The following GPCPD1 variants were observed in gnomAD, a reference collection of about 807,000 sequenced individuals.
GPCPD1 encodes the protein glycerophosphocholine phosphodiesterase GPCPD1.
A neutral mutation model predicts 89.2 loss-of-function variants in GPCPD1; 29 were observed. That is an observed-to-expected ratio of 0.33 (90% CI 0.24 to 0.44). GPCPD1 has a LOEUF of 0.44. Ranked by LOEUF, GPCPD1 falls within the 20% of genes least tolerant of loss-of-function variation. GPCPD1 has a pLI of 1.00. For missense variants in GPCPD1, 594 were observed against 808.9 expected, an observed-to-expected ratio of 0.73 and a Z score of 3.22; for synonymous variants, 258 against 266.3, an observed-to-expected ratio of 0.97 and a Z score of 0.30.
intron 1 of GPCPD1, among the ~76,000 whole-genome samples, chr20:5,609,550 T>C (rs1300664979): frequency 1.3e-5 from 2 of 152,246 alleles, no homozygotes; most frequent in Non-Finnish European, 2.9e-5. Flanking sequence ...TATTCTCTTG[T>C]GTATGTTTCA....
chr20:5,575,028 G>A (rs890360103), intron 10 of GPCPD1, among the ~76,000 whole-genome samples: 2 of 152,146 alleles, frequency 1.3e-5, no homozygotes, highest in Non-Finnish European at 2.9e-5. Flanking sequence ...AATATTCCTT[G>A]AGTTTAGTCA....
chr20:5,574,229 T>G, intron 10 of GPCPD1: 1 of 445,936 alleles, frequency 2.2e-6, no homozygotes, highest in East Asian at 4.2e-5. Flanking sequence ...CATGGACTTT[T>G]TTCTTGGAGA....
At chr20:5,580,165 AT>A in intron 6 of GPCPD1, 34 bp from the exon 7 acceptor site, 2 of 1,215,660 alleles carry the variant, frequency 1.6e-6, no homozygotes, top group South Asian at 2.7e-5. Flanking sequence ...AGTAATTATT[AT>A]ACATGTTTTT....
chr20:5,561,767 T>C (rs917254348), intron 15 of GPCPD1, among the ~76,000 whole-genome samples: 4 of 152,238 alleles, frequency 2.6e-5, no homozygotes, highest in African/African-American at 9.6e-5. Context: ...TCAGGCACTG[T>C]CTGTGATAAC....
At chr20:5,575,120 G>A (rs6139765) in intron 10 of GPCPD1, among the ~76,000 whole-genome samples, 2 of 152,144 alleles carry the variant, frequency 1.3e-5, no homozygotes, top group Non-Finnish European at 2.9e-5. Context: ...AGGGCAACAC[G>A]TCAAAAGTAA....
Position 5,560,063 on chromosome 20 carries a change from T to C in GPCPD1, c.1409A>G (p.Asp470Gly). Residue 470 changes from aspartate to glycine, a missense_variant, in exon 17 of 20, where the codon GAT becomes GGT. Coordinates refer to ENST00000379019, the MANE Select transcript of GPCPD1 (RefSeq NM_019593.5). Reference protein sequence around the residue: ...WICQQRDGMWDGNLSTYFDMN... With the variant: ...WICQQRDGMWGGNLSTYFDMN... ...GTCAAAATATGTTGATAAGTTACCA[T>C]CCCACATTCCATCCTAGTGAAAGAG... 6.4e-7 allele frequency: 1 copy of C among 1,568,624 alleles called. No individual in the cohort carries two copies.
chr20:5,585,417 T>G (rs1978842256), intron 5 of GPCPD1: 1 of 152,090 alleles, frequency 6.6e-6, no homozygotes, highest in Non-Finnish European at 1.5e-5. Context: ...AATTTTAACT[T>G]TACCTAGAAA....
rs199658593 is a variant in GPCPD1 at position 5,587,795 on chromosome 20, AAAC to A, written c.232-1529_232-1527del. On this transcript the variant is annotated intron_variant, in intron 4 of 19. Coordinates refer to ENST00000379019, the MANE Select transcript of GPCPD1 (RefSeq NM_019593.5). The stretch of plus-strand genomic sequence containing the variant: ...TATTGATTAAATTTGACGATAAGCC[AAAC>A]AATAACAAATATGTAACAAATTAGG... Among the ~76,000 whole-genome samples the A allele has an allele frequency of 7.1e-3, 1,081 of 152,380 alleles. 13 individuals carry two copies. Among genetic ancestry groups the A allele is most frequent in the African/African-American group, 0.024 (994 of 41,598 alleles).
chr20:5,584,452 A>AT (rs1315192973), intron 5 of GPCPD1, 130 bp from the exon 6 acceptor site: 2 of 511,662 alleles, frequency 3.9e-6, no homozygotes, highest in Non-Finnish European at 7.1e-6. Flanking sequence ...CCCAAGGTGA[A>AT]TAAGCATATT....
chr20:5,562,928 G>A lies in GPCPD1; in HGVS notation c.1330-1398C>T, dbSNP rs540419381. On this transcript the variant is annotated intron_variant, in intron 15 of 19. Transcript: ENST00000379019. The stretch of plus-strand genomic sequence containing the variant: ...GTTGAGATTGCTAAAAGGCAAATTT[G>A]CCAGAAAAGTGTCTATATAATGAGA... Among the ~76,000 whole-genome samples, 3 of 151,962 alleles carry A rather than the reference G, an allele frequency of 2.0e-5. No individual in the cohort carries two copies. In the South Asian group the frequency reaches 6.2e-4, roughly 32 times the overall value.
chr20:5,605,111 T>G (rs1980489882), intron 1 of GPCPD1, among the ~76,000 whole-genome samples: 1 of 152,232 alleles, frequency 6.6e-6, no homozygotes, highest in South Asian at 2.1e-4. Flanking sequence ...TGAAGCCTAG[T>G]GCTACAAAGC....
In GPCPD1 at chr20:5,573,968, G is replaced by A. The variant is rs146296363; in HGVS notation, c.1003C>T (p.Leu335=). The A allele has an allele frequency of 2.9e-4, 419 of 1,455,720 alleles. No homozygotes were observed. The highest frequency in any genetic ancestry group is 3.9e-4 in the Non-Finnish European group (402 of 1,036,068). The allele number at this position is 1,455,720 out of a possible 1,614,324, so 90.2% of individuals were successfully genotyped here. Residue 335 remains leucine (L), a splice_region_variant and synonymous_variant, in exon 11 of 20, where the codon CTG becomes TTG. Coordinates refer to ENST00000379019, the MANE Select transcript of GPCPD1 (RefSeq NM_019593.5). ...ATAGTATTTTCTTGAACTTTAGCCA[G>A]CCTGAAAAGAAGAAATACAGTTAAC... ...GAGNSTTTAQ[L]AKVQENTIAS...
chr20:5,548,974 TA>T, intron 19 of GPCPD1: 1 of 936,922 alleles, frequency 1.1e-6, no homozygotes, highest in Non-Finnish European at 1.6e-6. Flanking sequence ...CTGGTTTTTT[TA>T]AAAAAGATAA....
chr20:5,586,142 A>C, intron 5 of GPCPD1, 52 bp downstream of exon 5: 1 of 862,752 alleles, frequency 1.2e-6, no homozygotes, highest in South Asian at 1.4e-5. Flanking sequence ...ATTGTGCAGC[A>C]TATTAGTAAC....
chr20:5,580,379 T>TA (rs767395047), intron 6 of GPCPD1, among the ~76,000 whole-genome samples: 4 of 152,060 alleles, frequency 2.6e-5, no homozygotes, highest in Non-Finnish European at 4.4e-5. Context: ...TTTCAGCAAA[T>TA]AAGTATTTTT....
chr20:5,554,514 T>A (rs1398670098), intron 19 of GPCPD1, among the ~76,000 whole-genome samples: 1 of 152,230 alleles, frequency 6.6e-6, no homozygotes, highest in Non-Finnish European at 1.5e-5. Flanking sequence ...ACTTTGTCTG[T>A]GCTCCAGAAA....
At position 5,580,073 on chromosome 20, in the gene GPCPD1, A is replaced by G; in HGVS notation, c.408T>C (p.Arg136=). ...WLTCQTEIRL[R]LHYSEKPPVS... is the part of the protein sequence containing the mutation. ...CAGGAGGTTTTTCAGAATAATGCAA[A>G]CGTAATCTTATTTCAGTCTGACATG... Residue 136 remains arginine, a synonymous_variant, in exon 7 of 20, where the codon CGT becomes CGC. Transcript: ENST00000379019. 6.7e-7 allele frequency: 1 copy of G among 1,495,986 alleles called. No individual in the cohort carries two copies. The highest frequency in any genetic ancestry group is 1.4e-5 in the African/African-American group (1 of 72,728). 92.7% of individuals were successfully genotyped at this position (1,495,986 alleles called of 1,614,324 possible). A position where few individuals can be genotyped will look rare whatever the true frequency, so the allele number is the denominator to read the frequency against.
At chr20:5,599,034 AG>A (rs1054427883) in intron 2 of GPCPD1, among the ~76,000 whole-genome samples, 7 of 152,156 alleles carry the variant, frequency 4.6e-5, no homozygotes, top group African/African-American at 1.4e-4. Context: ...GCCAGAGAAA[AG>A]GGGGAAGGCA....
In GPCPD1 at chr20:5,557,986, C is replaced by T; in HGVS notation, c.1788G>A (p.Arg596=). 1 of 1,602,254 alleles carries T rather than the reference C, an allele frequency of 6.2e-7. No individual in the cohort carries two copies. The change falls in exon 19 of 20, where the codon AGG becomes AGA. Residue 596 remains arginine, a synonymous_variant. Transcript: ENST00000379019. ...CATTAACTCCAAGTTCCTTCAATTT[C>T]CTTCTGTTTTCAGGATCATTGGTAT... is the stretch of plus-strand genomic sequence containing the variant. ...GDDTNDPENR[R]KLKELGVNGL...
Sources: gnomAD v4.1 joint callset for allele counts (sites outside exome capture counted in the v4.1 genomes callset) on GRCh38, gnomAD v4.1.1 for gene constraint, MANE v1.5 for transcripts, NCBI Gene and HGNC (gene_info 2026-07-23, HGNC 2026-07-21) for gene names.